GRID1: variants seen among roughly 807,000 people sequenced by gnomAD.
The protein encoded by GRID1 is glutamate receptor ionotropic, delta-1.
Under a neutral mutation model 98.0 loss-of-function variants are expected in GRID1, and 28 were observed. The ratio of observed to expected loss-of-function variants is 0.29; its 90% CI spans 0.21 to 0.39. GRID1 has a LOEUF of 0.39. Among genes scored for constraint, GRID1 ranks in the 10% least tolerant of loss-of-function variants. The probability of loss-of-function intolerance (pLI) is 1.00; values close to 1 mark genes in which losing one functional copy is unlikely to be tolerated. For synonymous variants in GRID1, 553 were observed against 538.5 expected (o/e 1.03, Z -0.37); for missense variants, 1,111 against 1,340.5 (o/e 0.83, Z 2.67).
At chr10:86,349,807 C>T (rs1848438178) in intron 2 of GRID1, among the ~76,000 whole-genome samples, 1 of 152,240 alleles carries the variant, frequency 6.6e-6, no homozygotes, top group Admixed American at 6.5e-5. Flanking sequence ...AGGACTTTTA[C>T]TGAACACCTC....
At chr10:86,111,962 G>T (rs138966487) in intron 4 of GRID1, among the ~76,000 whole-genome samples, 1 of 152,202 alleles carries the variant, frequency 6.6e-6, no homozygotes, top group African/African-American at 2.4e-5. Context: ...GTCTCCACCC[G>T]ACAATAAAGA....
At chr10:85,790,048 G>A (rs1036899059) in intron 8 of GRID1, among the ~76,000 whole-genome samples, 36 of 152,148 alleles carry the variant, frequency 2.4e-4, no homozygotes, top group African/African-American at 7.7e-4. Flanking sequence ...ACTTTGTCTG[G>A]AAGCTTTTCC....
At chr10:85,899,510 T>C (rs2131814565) in intron 5 of GRID1, among the ~76,000 whole-genome samples, 1 of 152,318 alleles carries the variant, frequency 6.6e-6, no homozygotes, top group South Asian at 2.1e-4. Flanking sequence ...TTGCATATCC[T>C]TCAGGAGGGC....
At chr10:85,722,276 A>C (rs2132649614) in intron 12 of GRID1, among the ~76,000 whole-genome samples, 1 of 152,332 alleles carries the variant, frequency 6.6e-6, no homozygotes, top group Non-Finnish European at 1.5e-5. Context: ...TCAGCGATCA[A>C]GTTAGAGGCA....
intron 8 of GRID1, among the ~76,000 whole-genome samples, chr10:85,808,011 A>C (rs74766422): frequency 0.033 from 5,022 of 152,262 alleles, 126 homozygotes; most frequent in Non-Finnish European, 0.047. Context: ...GTTCAAATCT[A>C]TTTAAACTGA....
At chr10:86,279,541 G>C (rs542767145) in intron 2 of GRID1, among the ~76,000 whole-genome samples, 1 of 152,290 alleles carries the variant, frequency 6.6e-6, no homozygotes, top group South Asian at 2.1e-4. Context: ...AAAGGCATTT[G>C]ACTATTCCGA....
At chr10:85,703,425 G>T (rs1337284359) in intron 12 of GRID1, among the ~76,000 whole-genome samples, 1 of 151,974 alleles carries the variant, frequency 6.6e-6, no homozygotes, top group Non-Finnish European at 1.5e-5. Context: ...AATGTGAAAG[G>T]CAAATATATA....
At chr10:86,071,810 G>A (rs997948097) in intron 4 of GRID1, among the ~76,000 whole-genome samples, 6 of 152,160 alleles carry the variant, frequency 3.9e-5, no homozygotes, top group Non-Finnish European at 8.8e-5. Flanking sequence ...TAGTAAAGGA[G>A]AGGGAAACCC....
At chr10:85,746,336 C>A (rs1184544855) in intron 8 of GRID1, among the ~76,000 whole-genome samples, 1 of 152,068 alleles carries the variant, frequency 6.6e-6, no homozygotes. Context: ...ACCATTATAG[C>A]CATCAGAAGC....
At chr10:86,270,597 G>A (rs976378776) in intron 2 of GRID1, among the ~76,000 whole-genome samples, 7 of 152,246 alleles carry the variant, frequency 4.6e-5, no homozygotes, top group African/African-American at 7.2e-5. Flanking sequence ...GGCTGACGTA[G>A]GAGAACTACT....
At chr10:85,777,225 TG>T (rs748661718) in intron 8 of GRID1, among the ~76,000 whole-genome samples, 2 of 152,146 alleles carry the variant, frequency 1.3e-5, no homozygotes, top group Non-Finnish European at 2.9e-5. Flanking sequence ...GAATTAGCAG[TG>T]GGCAAAGGCC....
intron 8 of GRID1, among the ~76,000 whole-genome samples, chr10:85,766,513 C>T (rs1842198981): frequency 1.3e-5 from 2 of 152,118 alleles, no homozygotes; most frequent in African/African-American, 4.8e-5. Flanking sequence ...TTTAAATTTA[C>T]AACACATTAC....
intron 2 of GRID1, among the ~76,000 whole-genome samples, chr10:86,237,152 C>G (rs879667317): frequency 2.0e-5 from 3 of 152,148 alleles, no homozygotes; most frequent in Non-Finnish European, 4.4e-5. Context: ...GGTGACATTA[C>G]CTCCTATGTT....
At chr10:85,839,987 A>G (rs59444660) in intron 8 of GRID1, among the ~76,000 whole-genome samples, 1 of 152,224 alleles carries the variant, frequency 6.6e-6, no homozygotes, top group African/African-American at 2.4e-5. Context: ...TTCTAGGCAT[A>G]TAAGCTAGAA....
At chr10:86,251,588 G>T (rs1846833814) in intron 2 of GRID1, among the ~76,000 whole-genome samples, 1 of 152,062 alleles carries the variant, frequency 6.6e-6, no homozygotes, top group South Asian at 2.1e-4. Context: ...GCCCCTGACA[G>T]GAGTGGCCTG....
chr10:85,983,169 C>T (rs960822184), intron 4 of GRID1, among the ~76,000 whole-genome samples: 1 of 152,164 alleles, frequency 6.6e-6, no homozygotes, highest in Admixed American at 6.5e-5. Flanking sequence ...CCACCCACCA[C>T]CTTGTCTGAA....
intron 4 of GRID1, among the ~76,000 whole-genome samples, chr10:86,033,959 G>A (rs1843220876): frequency 6.6e-6 from 1 of 152,220 alleles, no homozygotes; most frequent in Non-Finnish European, 1.5e-5. Flanking sequence ...TATGGAAACT[G>A]AGGATTCTGT....
intron 4 of GRID1, among the ~76,000 whole-genome samples, chr10:86,098,379 T>C (rs1844250550): frequency 6.6e-6 from 1 of 152,246 alleles, no homozygotes; most frequent in Admixed American, 6.5e-5. Context: ...CTGATGCGAT[T>C]TGGCAAGCAC....
chr10:85,961,550 CCCTTTCCTCCTTCCTTCTTT>C (rs1444984938), intron 4 of GRID1, among the ~76,000 whole-genome samples: 1 of 151,246 alleles, frequency 6.6e-6, no homozygotes, highest in African/African-American at 2.4e-5. Flanking sequence ...CTTCCTTCTT[CCCTTTCCTCCTTCCTTCTTT>C]CCTTCCTTCC....
Sources: gnomAD v4.1 joint callset for allele counts (sites outside exome capture counted in the v4.1 genomes callset) on GRCh38, gnomAD v4.1.1 for gene constraint, MANE v1.5 for transcripts, NCBI Gene and HGNC (gene_info 2026-07-23, HGNC 2026-07-21) for gene names.